The following ST3GAL5 variants were observed in gnomAD, a reference collection of about 807,000 sequenced individuals.
ST3GAL5 encodes ST3 beta-galactoside alpha-2,3-sialyltransferase 5, also known as lactosylceramide alpha-2,3-sialyltransferase.
A neutral mutation model predicts 46.1 loss-of-function variants in ST3GAL5; 25 were observed. That is an observed-to-expected ratio of 0.54 (90% CI 0.40 to 0.76). The LOEUF (loss-of-function observed/expected upper bound fraction) is 0.76. ST3GAL5 is among the 30% of genes least tolerant of loss of function. The pLI is 0.00. For synonymous variants in ST3GAL5, 182 were observed against 192.7 expected, an observed-to-expected ratio of 0.94 and a Z score of 0.46; for missense variants, 431 against 521.2, an observed-to-expected ratio of 0.83 and a Z score of 1.69.
intron 2 of ST3GAL5, among the ~76,000 whole-genome samples, chr2:85,862,014 C>G (rs12613609): frequency 2.0e-5 from 3 of 151,740 alleles, no homozygotes; most frequent in South Asian, 4.2e-4. Flanking sequence ...GAAAGTAATC[C>G]ATTTTCTAAA....
At chr2:85,841,014 T>G in intron 6 of ST3GAL5, among the ~76,000 whole-genome samples, 1 of 140,696 alleles carries the variant, frequency 7.1e-6, no homozygotes. Context: ...CTATATGTGA[T>G]GCCCAGAATC....
At chr2:85,870,264 A>G (rs1240283784) in intron 1 of ST3GAL5, 1 of 470,072 alleles carries the variant, frequency 2.1e-6, no homozygotes, top group Admixed American at 2.3e-5. Flanking sequence ...AGTGCCTAGG[A>G]AGGGAAGAGG....
chr2:85,885,654 C>G (rs538399232), intron 1 of ST3GAL5, among the ~76,000 whole-genome samples: 1 of 152,040 alleles, frequency 6.6e-6, no homozygotes, highest in South Asian at 2.1e-4. Context: ...CAGTGAAACC[C>G]TGTCTCTACT....
Position 85,863,398 on chromosome 2 carries a change from A to C in ST3GAL5, c.170T>G (p.Met57Arg). Reference protein sequence around the residue: ...LQWYTRAQSKMRRPSLLLKDI... With the variant: ...LQWYTRAQSKRRRPSLLLKDI... ...TTTTAATAACAAGCTGGGCCTTCTCATCTTGCTTTGAGCTCGGGTGTACCA... is the reference window on the plus strand; with the variant it reads ...TTTTAATAACAAGCTGGGCCTTCTCCTCTTGCTTTGAGCTCGGGTGTACCA... Residue 57 changes from methionine (M) to arginine (R), a missense_variant, in exon 2 of 7, where the codon ATG becomes AGG. By Grantham distance (91) the Met-to-Arg change is moderately conservative. Transcript: ENST00000638572. The C allele has an allele frequency of 6.2e-7, 1 of 1,614,194 alleles. No homozygotes were observed. Among genetic ancestry groups the C allele is most frequent in the South Asian group, 1.1e-5 (1 of 91,086 alleles).
rs1227396514 is a variant in ST3GAL5, at chr2:85,839,796, A to G, written c.*348T>C. On this transcript the variant is annotated 3_prime_UTR_variant, in exon 7 of 7. Transcript: ENST00000638572. The stretch of plus-strand genomic sequence containing the variant: ...AAGAGTGACCTCCCCTCTCCTTCCA[A>G]TTAGTTACCTGTATTCAATGTGCAG... 2 of 342,912 alleles carry G rather than the reference A, an allele frequency of 5.8e-6. No homozygotes were observed. Among genetic ancestry groups the G allele is most frequent in the East Asian group, 7.8e-5 (1 of 12,900 alleles). 21.2% of individuals were successfully genotyped at this position (342,912 alleles called of 1,614,324 possible).
intron 6 of ST3GAL5, among the ~76,000 whole-genome samples, chr2:85,842,385 A>G (rs1682228297): frequency 6.6e-6 from 1 of 152,140 alleles, no homozygotes; most frequent in Non-Finnish European, 1.5e-5. Flanking sequence ...GGGGTGATAT[A>G]TGGAGAGAAC....
At chr2:85,848,230 GT>G (rs1440877973) in intron 3 of ST3GAL5, 26 bp from the exon 4 acceptor site, 1 of 1,613,788 alleles carries the variant, frequency 6.2e-7, no homozygotes. Context: ...ACCAATCTGG[GT>G]TTTAAAAACT....
Position 85,840,040 on chromosome 2 carries a change from G to A in ST3GAL5, c.*104C>T, listed in dbSNP as rs1273362496. ...TTTTTAAATTAAAAGTTAAAAACAT[G>A]AGCTGCACTTCAAAGTATCTGCAGG... is the stretch of plus-strand genomic sequence containing the variant. On this transcript the variant is annotated 3_prime_UTR_variant, in exon 7 of 7. Coordinates refer to ENST00000638572, the MANE Select transcript of ST3GAL5 (RefSeq NM_003896.4). 1.3e-6 allele frequency: 2 copies of A among 1,548,236 alleles called. No individual in the cohort carries two copies. Among genetic ancestry groups the A allele is most frequent in the Admixed American group, 1.7e-5 (1 of 58,642 alleles).
intron 3 of ST3GAL5, among the ~76,000 whole-genome samples, chr2:85,859,749 A>G (rs1247777315): frequency 6.6e-6 from 1 of 152,242 alleles, no homozygotes; most frequent in African/African-American, 2.4e-5. Flanking sequence ...GTATGAATAA[A>G]AATTAGGATC....
At chr2:85,871,762 G>A (rs1685953789) in intron 1 of ST3GAL5, among the ~76,000 whole-genome samples, 1 of 152,154 alleles carries the variant, frequency 6.6e-6, no homozygotes. Flanking sequence ...GTCAGAATGG[G>A]GAGGACCTGG....
intron 6 of ST3GAL5, among the ~76,000 whole-genome samples, chr2:85,843,004 C>T (rs147115211): frequency 1.6e-4 from 24 of 152,192 alleles, no homozygotes; most frequent in East Asian, 7.7e-4. Context: ...GTGATCTGCC[C>T]GCCTCAGCCT....
intron 1 of ST3GAL5, among the ~76,000 whole-genome samples, chr2:85,883,280 A>G (rs755482789): frequency 1.3e-5 from 2 of 152,174 alleles, no homozygotes; most frequent in Non-Finnish European, 2.9e-5. Flanking sequence ...ATGATAGTGA[A>G]TAAGTCTCAT....
At chr2:85,877,043 C>T (rs1686659719) in intron 1 of ST3GAL5, among the ~76,000 whole-genome samples, 1 of 152,234 alleles carries the variant, frequency 6.6e-6, no homozygotes, top group Admixed American at 6.5e-5. Context: ...CACATTTGTG[C>T]TGCCATTCCA....
At chr2:85,870,286 C>G (rs530585212) in intron 1 of ST3GAL5, 1 of 464,746 alleles carries the variant, frequency 2.2e-6, no homozygotes, top group Non-Finnish European at 4.5e-6. Flanking sequence ...ATATAAAGGG[C>G]ATCCATATCT....
At chr2:85,844,988 T>C in intron 5 of ST3GAL5, 1 of 233,552 alleles carries the variant, frequency 4.3e-6, no homozygotes, top group Non-Finnish European at 8.6e-6. Flanking sequence ...CAACTAGAAC[T>C]TCTGCCCAAT....
Position 85,840,010 on chromosome 2 carries a change from T to C in ST3GAL5, c.*134A>G. On this transcript the variant is annotated 3_prime_UTR_variant, in exon 7 of 7. Coordinates refer to ENST00000638572, the MANE Select transcript of ST3GAL5 (RefSeq NM_003896.4). ...AAAGTGGGAAGAGCTAAAATTTTTTTTGTGTTTTTAAATTAAAAGTTAAAA... is the reference window on the plus strand; with the variant it reads ...AAAGTGGGAAGAGCTAAAATTTTTTCTGTGTTTTTAAATTAAAAGTTAAAA... The C allele has an allele frequency of 7.1e-7, 1 of 1,404,786 alleles. No homozygotes were observed. Among genetic ancestry groups the C allele is most frequent in the South Asian group, 1.3e-5 (1 of 76,680 alleles). The allele number at this position is 1,404,786 out of a possible 1,614,324, so 87.0% of individuals were successfully genotyped here. A position where few individuals can be genotyped will look rare whatever the true frequency, so the allele number is the denominator to read the frequency against.
chr2:85,880,985 T>C (rs1227989520), intron 1 of ST3GAL5: 1 of 504,410 alleles, frequency 2.0e-6, no homozygotes, highest in Non-Finnish European at 3.9e-6. Flanking sequence ...AAATCTCAAC[T>C]TGAATTGTAT....
Position 85,847,844 on chromosome 2 carries a change from A to G in ST3GAL5, c.662+17T>C. 1 of 1,610,600 alleles carries G rather than the reference A, an allele frequency of 6.2e-7. No homozygotes were observed. Among genetic ancestry groups the G allele is most frequent in the Non-Finnish European group, 8.5e-7 (1 of 1,179,208 alleles). On this transcript the variant is annotated intron_variant, in intron 4 of 6. Coordinates refer to ENST00000638572, the MANE Select transcript of ST3GAL5 (RefSeq NM_003896.4). ...AATAAAAATAAGTAAACAAACAAAC[A>G]AAAAAAACCAATGTACCTTATCACA...
chr2:85,857,595 T>A (rs1684286407), intron 3 of ST3GAL5, among the ~76,000 whole-genome samples: 1 of 145,642 alleles, frequency 6.9e-6, no homozygotes, highest in African/African-American at 2.5e-5. Context: ...CAAGGACCTG[T>A]GAGGGGTTGA....
Sources: gnomAD v4.1 joint callset for allele counts (sites outside exome capture counted in the v4.1 genomes callset) on GRCh38, gnomAD v4.1.1 for gene constraint, MANE v1.5 for transcripts, NCBI Gene and HGNC (gene_info 2026-07-23, HGNC 2026-07-21) for gene names.